Variants in SMAD5 observed in about 807,000 individuals in gnomAD.
SMAD5 encodes the protein MAD, mothers against decapentaplegic homolog 5.
A neutral mutation model predicts 43.1 loss-of-function variants in SMAD5; 9 were observed. The ratio of observed to expected loss-of-function variants is 0.21; its 90% confidence interval spans 0.13 to 0.36. The LOEUF (loss-of-function observed/expected upper bound fraction) is 0.36. SMAD5 is among the 10% of genes least tolerant of loss of function. The pLI is 1.00. For missense variants in SMAD5, 348 were observed against 574.0 expected (o/e 0.61, Z 4.02); for synonymous variants, 190 against 192.4 (o/e 0.99, Z 0.10).
intron 5 of SMAD5, among the ~76,000 whole-genome samples, chr5:136,171,623 A>T (rs1376571044): frequency 1.3e-5 from 2 of 152,148 alleles, no homozygotes; most frequent in African/African-American, 2.4e-5. Flanking sequence ...TGTCTGTCCC[A>T]CCATAAGCAC....
chr5:136,167,810 T>G (rs574720527), intron 5 of SMAD5, among the ~76,000 whole-genome samples: 3 of 152,142 alleles, frequency 2.0e-5, no homozygotes, highest in African/African-American at 7.2e-5. Flanking sequence ...ACCAATTATT[T>G]TAAATTGCCT....
chr5:136,152,077 G>A (rs1413980580), intron 2 of SMAD5, among the ~76,000 whole-genome samples: 1 of 152,166 alleles, frequency 6.6e-6, no homozygotes, highest in Admixed American at 6.5e-5. Context: ...CATAGGGCTG[G>A]GCAAGACAAG....
At chr5:136,134,551 A>T (rs953331597) in intron 1 of SMAD5, 1 of 152,206 alleles carries the variant, frequency 6.6e-6, no homozygotes, top group South Asian at 2.1e-4. Context: ...TAGTGTTCCA[A>T]ATTTAAGGAG....
rs1300678446 is a variant in SMAD5, at chr5:136,182,204, T to C, written c.*4724T>C. The C allele has an allele frequency of 6.7e-6, 1 of 148,630 alleles. No individual in the cohort carries two copies. Among genetic ancestry groups the C allele is most frequent in the Non-Finnish European group, 1.5e-5 (1 of 67,392 alleles). The allele number at this position is 148,630 out of a possible 1,614,324, so 9.2% of individuals were successfully genotyped here. A position where few individuals can be genotyped will look rare whatever the true frequency, so the allele number is the denominator to read the frequency against. ...GGTGTTAGCTATAACAAAACTCCAG[T>C]AAGGCCAAAGAATCCCAAGTTCTTT... On this transcript the variant is annotated 3_prime_UTR_variant, in exon 8 of 8. Coordinates refer to ENST00000545279, the MANE Select transcript of SMAD5 (RefSeq NM_005903.7).
intron 1 of SMAD5, among the ~76,000 whole-genome samples, chr5:136,144,114 G>A (rs574443998): frequency 3.3e-5 from 5 of 152,054 alleles, no homozygotes; most frequent in Non-Finnish European, 5.9e-5. Context: ...TCATACGGCA[G>A]TTTTGATGAA....
At chr5:136,176,613 TACC>T (rs1439318007) in intron 7 of SMAD5, among the ~76,000 whole-genome samples, 1 of 151,912 alleles carries the variant, frequency 6.6e-6, no homozygotes, top group African/African-American at 2.4e-5. Flanking sequence ...CTCCAGGAAT[TACC>T]ACGTTATCTT....
Position 136,180,786 on chromosome 5 carries a change from G to A in SMAD5, c.*3306G>A, listed in dbSNP as rs1754598999. 1 of 152,068 alleles carries A rather than the reference G, an allele frequency of 6.6e-6. No homozygotes were observed. The highest frequency in any genetic ancestry group is 2.1e-4 in the South Asian group (1 of 4,824). The allele number at this position is 152,068 out of a possible 1,614,324, so 9.4% of individuals were successfully genotyped here. ...GTAAGAGTACTAGACAGTTCAACAA[G>A]CCACATCTAATGGCACAGATAGAGG... On this transcript the variant is annotated 3_prime_UTR_variant, in exon 8 of 8. Coordinates refer to ENST00000545279, the MANE Select transcript of SMAD5 (RefSeq NM_005903.7).
At chr5:136,136,769 T>G (rs1752893074) in intron 1 of SMAD5, among the ~76,000 whole-genome samples, 1 of 152,038 alleles carries the variant, frequency 6.6e-6, no homozygotes, top group Non-Finnish European at 1.5e-5. Context: ...CGATCTTGAC[T>G]CACTGCAATT....
chr5:136,168,372 C>T (rs1321433936), intron 5 of SMAD5, among the ~76,000 whole-genome samples: 2 of 149,648 alleles, frequency 1.3e-5, no homozygotes, highest in Admixed American at 6.6e-5. Flanking sequence ...CCTCTATTTA[C>T]CCAAAGATAA....
At chr5:136,164,619 C>T (rs1580790305) in intron 5 of SMAD5, among the ~76,000 whole-genome samples, 1 of 152,048 alleles carries the variant, frequency 6.6e-6, no homozygotes, top group East Asian at 1.9e-4. Flanking sequence ...GGATATGAAT[C>T]CTTTATCAGA....
intron 3 of SMAD5, among the ~76,000 whole-genome samples, chr5:136,160,240 C>G (rs573275518): frequency 3.7e-4 from 57 of 152,274 alleles, no homozygotes; most frequent in African/African-American, 1.2e-3. Context: ...GAAAACCGTA[C>G]TGAACAACGT....
rs1336010070 is a variant in SMAD5 at position 136,182,577 on chromosome 5, GC to G, written c.*5098del. ...TTGTGCTTCTGTTTATGTTGTAGAA[GC>G]TGAAATTCTAGCAACATGCTTCAAT... On this transcript the variant is annotated 3_prime_UTR_variant, in exon 8 of 8. Coordinates refer to ENST00000545279, the MANE Select transcript of SMAD5 (RefSeq NM_005903.7). 6.6e-6 allele frequency: 1 copy of G among 152,608 alleles called. No homozygotes were observed. Among genetic ancestry groups the G allele is most frequent in the Non-Finnish European group, 1.5e-5 (1 of 68,022 alleles). The allele number at this position is 152,608 out of a possible 1,614,324, so 9.5% of individuals were successfully genotyped here.
At chr5:136,143,025 T>C (rs1319153065) in intron 1 of SMAD5, among the ~76,000 whole-genome samples, 1 of 152,108 alleles carries the variant, frequency 6.6e-6, no homozygotes, top group Non-Finnish European at 1.5e-5. Flanking sequence ...ACAATTCATC[T>C]CTCCAATTCA....
intron 4 of SMAD5, among the ~76,000 whole-genome samples, chr5:136,162,969 C>T (rs974830236): frequency 2.0e-5 from 3 of 152,176 alleles, no homozygotes; most frequent in African/African-American, 7.2e-5. Flanking sequence ...TCTCTGAACA[C>T]ATAAAAATAA....
In SMAD5 at chr5:136,139,633, G is replaced by A. The variant is rs114326316; in HGVS notation, c.-245+6671G>A. ...CTTAGATTACTGCATCTCTGAACTGGTCTCGCTGCTTTTATCATTGCTGTC... is the reference window on the plus strand; with the variant it reads ...CTTAGATTACTGCATCTCTGAACTGATCTCGCTGCTTTTATCATTGCTGTC... On this transcript the variant is annotated intron_variant, in intron 1 of 7. Transcript: ENST00000545279. Among the ~76,000 whole-genome samples, 532 of 152,136 alleles carry A rather than the reference G, an allele frequency of 3.5e-3. 2 individuals carry two copies. The highest frequency in any genetic ancestry group is 0.012 in the African/African-American group (512 of 41,474).
intron 3 of SMAD5, among the ~76,000 whole-genome samples, chr5:136,160,420 A>G (rs1397905659): frequency 1.3e-5 from 2 of 151,750 alleles, no homozygotes; most frequent in African/African-American, 4.8e-5. Context: ...CTCCCCTTCT[A>G]CCTCTTCCCA....
intron 1 of SMAD5, among the ~76,000 whole-genome samples, chr5:136,147,118 A>C (rs977584772): frequency 6.6e-6 from 1 of 151,766 alleles, no homozygotes; most frequent in African/African-American, 2.4e-5. Flanking sequence ...ACATTGTCTC[A>C]TCATTTCTGA....
At chr5:136,135,006 G>GA in intron 1 of SMAD5, 1 of 152,190 alleles carries the variant, frequency 6.6e-6, no homozygotes, top group Non-Finnish European at 1.5e-5. Flanking sequence ...CAGCAAACTG[G>GA]AAAAAAAGAA....
rs768940057 is a variant in SMAD5, at chr5:136,172,468, T to C, written c.810T>C (p.His270=). The change falls in exon 6 of 8, where the codon CAT becomes CAC. Residue 270 remains histidine, a synonymous_variant. Transcript: ENST00000545279. ...CTGTTGCCTATGAAGAGCCTAAACA[T>C]TGGTGTTCAATAGTCTACTATGAAT... ...VQPVAYEEPK[H]WCSIVYYELN... is the part of the protein sequence containing the mutation. 16 of 1,612,176 alleles carry C rather than the reference T, an allele frequency of 9.9e-6. No homozygotes were observed. Among genetic ancestry groups the C allele is most frequent in the Non-Finnish European group, 1.2e-5 (14 of 1,178,564 alleles).
Sources: gnomAD v4.1 joint callset for allele counts (sites outside exome capture counted in the v4.1 genomes callset) on GRCh38, gnomAD v4.1.1 for gene constraint, MANE v1.5 for transcripts, NCBI Gene and HGNC (gene_info 2026-07-23, HGNC 2026-07-21) for gene names.